ATP2B4: variants seen among roughly 807,000 people sequenced by gnomAD.
ATP2B4 encodes ATPase plasma membrane Ca2+ transporting 4.
Under a neutral mutation model 110.3 loss-of-function variants are expected in ATP2B4, and 39 were observed. The observed-to-expected ratio is 0.35, with a 90% confidence interval of 0.27 to 0.46. ATP2B4 has a LOEUF of 0.46. Ranked by LOEUF, ATP2B4 falls within the 20% of genes least tolerant of loss-of-function variation. The probability of loss-of-function intolerance (pLI) is 1.00; values close to 1 mark genes in which losing one functional copy is unlikely to be tolerated. For synonymous variants in ATP2B4, 538 were observed against 571.7 expected, an observed-to-expected ratio of 0.94 and a Z score of 0.84; for missense variants, 1,135 against 1,530.9, an observed-to-expected ratio of 0.74 and a Z score of 4.32.
chr1:203,731,845 G>C (rs1185317294), intron 20 of ATP2B4, among the ~76,000 whole-genome samples: 2 of 42,824 alleles, frequency 4.7e-5, no homozygotes, highest in Non-Finnish European at 9.3e-5. Context: ...GCGAGACTCT[G>C]TCTCAAAAAA....
chr1:203,644,654 G>A (rs1035653132), intron 1 of ATP2B4, among the ~76,000 whole-genome samples: 27 of 152,126 alleles, frequency 1.8e-4, no homozygotes, highest in Non-Finnish European at 3.4e-4. Context: ...AATTATAGTT[G>A]GGTACCAACA....
chr1:203,712,670 A>G (rs1267670999), intron 13 of ATP2B4, among the ~76,000 whole-genome samples: 1 of 151,658 alleles, frequency 6.6e-6, no homozygotes, highest in Non-Finnish European at 1.5e-5. Flanking sequence ...CTTTTGAGAC[A>G]GTGTCACTAA....
chr1:203,736,132 C>A (rs1666870925), intron 20 of ATP2B4, among the ~76,000 whole-genome samples: 1 of 152,204 alleles, frequency 6.6e-6, no homozygotes, highest in South Asian at 2.1e-4. Context: ...GATTTCCCTG[C>A]ATAGGGAGGC....
chr1:203,740,595 A>T lies in ATP2B4; in HGVS notation c.*741A>T, dbSNP rs557051480. ...TTGTTAAAAGGGTCCTTTTGAAGCAATTAAGTGCTGGTAAGAATATTTCTC... is the reference window on the plus strand; with the variant it reads ...TTGTTAAAAGGGTCCTTTTGAAGCATTTAAGTGCTGGTAAGAATATTTCTC... On this transcript the variant is annotated 3_prime_UTR_variant, in exon 21 of 21. Coordinates refer to ENST00000357681, the MANE Select transcript of ATP2B4 (RefSeq NM_001684.5). The T allele has an allele frequency of 1.3e-5, 2 of 152,142 alleles. No homozygotes were observed. The highest frequency in any genetic ancestry group is 4.8e-5 in the African/African-American group (2 of 41,420). The allele number at this position is 152,142 out of a possible 1,614,324, so 9.4% of individuals were successfully genotyped here. A position where few individuals can be genotyped will look rare whatever the true frequency, so the allele number is the denominator to read the frequency against.
At chr1:203,677,198 A>G (rs1378693760) in intron 1 of ATP2B4, among the ~76,000 whole-genome samples, 1 of 152,172 alleles carries the variant, frequency 6.6e-6, no homozygotes, top group Non-Finnish European at 1.5e-5. Context: ...GATAATAGCT[A>G]CAGTGTGTGG....
chr1:203,649,374 C>T (rs1410337920), intron 1 of ATP2B4, among the ~76,000 whole-genome samples: 1 of 152,220 alleles, frequency 6.6e-6, no homozygotes, highest in African/African-American at 2.4e-5. Flanking sequence ...CACTTAACCT[C>T]TGAGCCTCAC....
intron 11 of ATP2B4, 84 bp downstream of exon 11, chr1:203,709,626 G>C: frequency 6.3e-7 from 1 of 1,577,972 alleles, no homozygotes; most frequent in Non-Finnish European, 8.6e-7. Context: ...GAACCCATGT[G>C]AATGAGGGAG....
chr1:203,723,951 G>A lies in ATP2B4; in HGVS notation c.3095G>A (p.Cys1032Tyr). 1 of 1,611,848 alleles carries A rather than the reference G, an allele frequency of 6.2e-7. No homozygotes were observed. Among genetic ancestry groups the A allele is most frequent in the Non-Finnish European group, 8.5e-7 (1 of 1,179,132 alleles). ...TSLSLSQWLW[C>Y]LFIGIGELLW... ...CTCAGCCTGTCTCAGTGGCTGTGGT[G>A]TCTCTTCATTGGGATTGGAGAACTT... The change falls in exon 19 of 21, where the codon TGT (cysteine) becomes TAT (tyrosine). Residue 1032 changes from cysteine (C) to tyrosine (Y), a missense_variant. This residue lies in a region of ATP2B4 where 155 missense variants were observed against 186.2 expected (regional missense o/e 0.83). Transcript: ENST00000357681.
chr1:203,658,472 A>G (rs908985334), intron 1 of ATP2B4, among the ~76,000 whole-genome samples: 2 of 151,422 alleles, frequency 1.3e-5, no homozygotes, highest in African/African-American at 4.8e-5. Context: ...TTCAGTCCGC[A>G]GTGAGCTATG....
Position 203,739,866 on chromosome 1 carries a change from C to T in ATP2B4, c.*12C>T. ...AGACATCAGTTTGAATTTTCTTTCT[C>T]TGACTCTCATCCCTATTTTACCTAT... is the stretch of plus-strand genomic sequence containing the variant. On this transcript the variant is annotated 3_prime_UTR_variant, in exon 21 of 21. Coordinates refer to ENST00000357681, the MANE Select transcript of ATP2B4 (RefSeq NM_001684.5). 6.2e-7 allele frequency: 1 copy of T among 1,600,732 alleles called. No homozygotes were observed.
chr1:203,717,113 A>G (rs138662559), intron 15 of ATP2B4, among the ~76,000 whole-genome samples: 2,407 of 151,228 alleles, frequency 0.016, 75 homozygotes, highest in African/African-American at 0.056. Flanking sequence ...CAGGAGAATC[A>G]CTTGAACCCG....
At chr1:203,714,415 C>A in intron 15 of ATP2B4, 138 bp downstream of exon 15, 1 of 769,634 alleles carries the variant, frequency 1.3e-6, no homozygotes, top group Non-Finnish European at 2.2e-6. Flanking sequence ...TCTCTCCTAT[C>A]TACCGGGCCA....
rs1344768136 is a variant in ATP2B4 at position 203,720,876 on chromosome 1, T to G, written c.2598+136T>G. ...ACATTGGGACAGGAGTTAGCTCTTC[T>G]AAGTCTGCTGTCTTCATCTGCTTAT... On this transcript the variant is annotated intron_variant, in intron 16 of 20. Transcript: ENST00000357681. 4 of 1,100,508 alleles carry G rather than the reference T, an allele frequency of 3.6e-6. No homozygotes were observed. The East Asian group carries it at 1.0e-4, about 28-fold the overall frequency. 68.2% of individuals were successfully genotyped at this position (1,100,508 alleles called of 1,614,324 possible).
chr1:203,702,573 G>A (rs764941649), intron 7 of ATP2B4, among the ~76,000 whole-genome samples: 13 of 152,162 alleles, frequency 8.5e-5, no homozygotes, highest in Non-Finnish European at 1.6e-4. Flanking sequence ...CCCTTTCTCT[G>A]TATCTCTCTC....
chr1:203,683,322 T>C lies in ATP2B4; in HGVS notation c.117T>C (p.Asp39=). 1 of 1,614,194 alleles carries C rather than the reference T, an allele frequency of 6.2e-7. No homozygotes were observed. Among genetic ancestry groups the C allele is most frequent in the African/African-American group, 1.3e-5 (1 of 75,038 alleles). The change falls in exon 2 of 21, where the codon GAT becomes GAC. Residue 39 remains aspartate, a synonymous_variant. Coordinates refer to ENST00000357681, the MANE Select transcript of ATP2B4 (RefSeq NM_001684.5). The stretch of plus-strand genomic sequence containing the variant: ...AGCTCATGGAGCTGCGTTCAAGGGA[T>C]GCACTGACCCAGATTAATGTCCACT... The part of the protein sequence containing the change: ...LRKLMELRSR[D]ALTQINVHYG...
chr1:203,651,405 A>T (rs1334651712), intron 1 of ATP2B4, among the ~76,000 whole-genome samples: 1 of 152,078 alleles, frequency 6.6e-6, no homozygotes, highest in African/African-American at 2.4e-5. Flanking sequence ...TAATGAACAC[A>T]CTTGAACCCA....
chr1:203,689,358 C>T (rs4951073), intron 2 of ATP2B4, among the ~76,000 whole-genome samples: 98,273 of 152,144 alleles, frequency 0.65, 32,852 homozygotes, highest in East Asian at 0.8. Context: ...TCCTTAGCTA[C>T]GCTATCCTTT....
intron 2 of ATP2B4, among the ~76,000 whole-genome samples, chr1:203,683,917 TC>T (rs1181261847): frequency 6.6e-6 from 1 of 152,060 alleles, no homozygotes; most frequent in Non-Finnish European, 1.5e-5. Flanking sequence ...CTTAAGTGAT[TC>T]TTCCACCTTG....
intron 19 of ATP2B4, among the ~76,000 whole-genome samples, chr1:203,727,139 G>A (rs1469783120): frequency 6.6e-6 from 1 of 152,164 alleles, no homozygotes; most frequent in African/African-American, 2.4e-5. Context: ...CAGGCAGATG[G>A]CTGGTCAATT....
Sources: allele counts gnomAD v4.1 joint callset (sites outside exome capture counted in the v4.1 genomes callset), GRCh38; gene constraint gnomAD v4.1.1; regional missense constraint gnomAD v4.1.1; transcripts MANE v1.5; gene names NCBI Gene and HGNC (gene_info 2026-07-23, HGNC 2026-07-21).